Variants in TAF1D observed in about 807,000 individuals in gnomAD.
TAF1D encodes TATA box-binding protein-associated factor RNA polymerase I subunit D.
TAF1D carries 23 observed loss-of-function variants against 26.2 expected under a neutral mutation model. The ratio of observed to expected loss-of-function variants is 0.88; its 90% CI spans 0.63 to 1.25. TAF1D has a LOEUF of 1.25. Among genes scored for constraint, TAF1D ranks in the 50% most tolerant of loss-of-function variants. The pLI is 0.00. For synonymous variants in TAF1D, 100 were observed against 105.6 expected (o/e 0.95, Z 0.33); for missense variants, 299 against 322.0 (o/e 0.93, Z 0.55).
At chr11:93,738,556 T>C (rs1304737768) in intron 2 of TAF1D, 57 bp from the exon 3 acceptor site, 2 of 1,467,860 alleles carry the variant, frequency 1.4e-6, no homozygotes, top group African/African-American at 2.8e-5. Context: ...TTATTACCAT[T>C]AATACCCAGT....
exon 12 of TAF1D, chr11:93,730,246 C>G: frequency 6.4e-7 from 1 of 1,550,916 alleles, no homozygotes; most frequent in Non-Finnish European, 8.7e-7. Context: ...ACTAGAGAAA[C>G]TTCGAGCCAA....
At position 93,738,320 on chromosome 11, in the gene TAF1D, C is replaced by T. The variant is rs1467833673; in HGVS notation, c.248G>A (p.Arg83Lys). 1 of 1,610,208 alleles carries T rather than the reference C, an allele frequency of 6.2e-7. No homozygotes were observed. The highest frequency in any genetic ancestry group is 1.3e-5 in the African/African-American group (1 of 74,448). ...IPLTIKAIFERFKNRKKRYKK... is the reference protein window; with the variant it reads ...IPLTIKAIFEKFKNRKKRYKK... ...ATATCTCTTTTTCCTGTTCTTGAAT[C>T]TTTCAAAAATAGCTTTTATAGTCAA... is the stretch of plus-strand genomic sequence containing the variant. Residue 83 changes from arginine (R) to lysine (K), a missense_variant, in exon 3 of 6, where the codon AGA (arginine) becomes AAA (lysine). Coordinates refer to ENST00000448108, the MANE Select transcript of TAF1D (RefSeq NM_024116.4).
At chr11:93,730,475 TTAAAACTCTCA>T (rs1938314435) in exon 12 of TAF1D, 1 of 747,694 alleles carries the variant, frequency 1.3e-6, no homozygotes, top group Non-Finnish European at 2.5e-6. Flanking sequence ...TGATTAACCT[TTAAAACTCTCA>T]CATGGCAACA....
chr11:93,733,586 A>G (rs754726299), downstream of TAF1D: 26 of 518,462 alleles, frequency 5.0e-5, no homozygotes, highest in Non-Finnish European at 8.1e-5. Flanking sequence ...CCCCATCGGG[A>G]TAGACCTCAA....
Position 93,738,361 on chromosome 11 carries a change from AGATGAGTCACTT to A in TAF1D, c.195_206del (p.Ser66_Ser69del). ...TTATAGTCAATGGTATTGGTTCAAA[AGATGAGTCACTT>A]GATGAATCACTTGCGTGAACACTTT... On this transcript the variant is annotated inframe_deletion, in exon 3 of 6. Transcript: ENST00000448108. The A allele has an allele frequency of 6.2e-7, 1 of 1,613,948 alleles. No individual in the cohort carries two copies. The highest frequency in any genetic ancestry group is 8.5e-7 in the Non-Finnish European group (1 of 1,179,970).
intron 1 of TAF1D, 105 bp downstream of exon 1, chr11:93,741,217 G>C (rs867009245): frequency 7.1e-6 from 3 of 423,580 alleles, no homozygotes; most frequent in Non-Finnish European, 1.4e-5. Context: ...ACCGACTTCG[G>C]AGTCTCGATC....
At chr11:93,739,730 A>T (rs1941418796) in intron 1 of TAF1D, among the ~76,000 whole-genome samples, 1 of 152,204 alleles carries the variant, frequency 6.6e-6, no homozygotes, top group South Asian at 2.1e-4. Context: ...TGTGCCCTAT[A>T]TAAACCAGGA....
Position 93,736,200 on chromosome 11 carries a change from TG to T in TAF1D, c.797del (p.Thr266LysfsTer11). ...CTCTCTGTCCAGTATTTTTGGCTTTTGTAGCTCTCTTTTTAGACAAAGCAGC... is the reference window on the plus strand; with the variant it reads ...CTCTCTGTCCAGTATTTTTGGCTTTTTAGCTCTCTTTTTAGACAAAGCAGC... The part of the protein sequence containing the change: ...EEAALSKKRA[T>X]KAKNTGQRGL... On this transcript the variant is annotated frameshift_variant, in exon 6 of 6. Coordinates refer to ENST00000448108, the MANE Select transcript of TAF1D (RefSeq NM_024116.4). LOFTEE classifies it low-confidence loss of function (END_TRUNC). 6.2e-7 allele frequency: 1 copy of T among 1,613,726 alleles called. No homozygotes were observed. Among genetic ancestry groups the T allele is most frequent in the Non-Finnish European group, 8.5e-7 (1 of 1,179,828 alleles).
downstream of TAF1D, chr11:93,735,457 C>T (rs925329834): frequency 2.4e-5 from 13 of 531,784 alleles, no homozygotes; most frequent in South Asian, 5.9e-5. Flanking sequence ...CCAAGGCAGG[C>T]GGATCGCCTG....
intron 3 of TAF1D, 130 bp from the exon 4 acceptor site, chr11:93,737,369 T>A: frequency 1.9e-6 from 1 of 531,222 alleles, no homozygotes; most frequent in Admixed American, 3.8e-5. Context: ...ACTCCCCACT[T>A]GTGGACTTAT....
downstream of TAF1D, chr11:93,735,404 C>G: frequency 1.1e-6 from 1 of 906,038 alleles, no homozygotes; most frequent in Non-Finnish European, 1.4e-6. Context: ...AGTATTAGGC[C>G]AGGTGCCATG....
downstream of TAF1D, chr11:93,734,919 G>GTACCCAGCTAA (rs1940372601): frequency 1.2e-6 from 1 of 814,442 alleles, no homozygotes; most frequent in South Asian, 1.8e-5. Flanking sequence ...ACATGCCCCA[G>GTACCCAGCTAA]TACCCAGCTA....
At position 93,735,970 on chromosome 11, in the gene TAF1D, C is replaced by G. The variant is rs1196576681; in HGVS notation, c.*191G>C. ...CTCTGGTGTTTTAATGGTTTTTTTTCTAATTATTACTACTTCACAAGTTTC... is the reference window on the plus strand; with the variant it reads ...CTCTGGTGTTTTAATGGTTTTTTTTGTAATTATTACTACTTCACAAGTTTC... On this transcript the variant is annotated 3_prime_UTR_variant, in exon 6 of 6. Coordinates refer to ENST00000448108, the MANE Select transcript of TAF1D (RefSeq NM_024116.4). 27 of 1,339,996 alleles carry G rather than the reference C, an allele frequency of 2.0e-5. No individual in the cohort carries two copies. Among genetic ancestry groups the G allele is most frequent in the Non-Finnish European group, 2.6e-5 (27 of 1,050,670 alleles). The allele number at this position is 1,339,996 out of a possible 1,614,324, so 83.0% of individuals were successfully genotyped here.
downstream of TAF1D, chr11:93,735,558 C>A: frequency 1.9e-6 from 1 of 521,736 alleles, no homozygotes; most frequent in Non-Finnish European, 2.5e-6. Flanking sequence ...GTAATCCCAG[C>A]TACTAAGGAG....
intron 3 of TAF1D, 38 bp from the exon 4 acceptor site, chr11:93,737,277 ATTTTT>A: frequency 6.8e-7 from 1 of 1,473,008 alleles, no homozygotes; most frequent in Non-Finnish European, 9.2e-7. Flanking sequence ...TCGAGATTTT[ATTTTT>A]AAGACCCAGC....
At chr11:93,731,656 A>G (rs1211386559), downstream of TAF1D, 2 of 465,946 alleles carry the variant, frequency 4.3e-6, no homozygotes, top group Non-Finnish European at 8.5e-6. Context: ...TTGCAATAGC[A>G]TTGCTAGATA....
At chr11:93,730,375 C>CGAAA (rs1938289358) in exon 12 of TAF1D, 1 of 909,988 alleles carries the variant, frequency 1.1e-6, no homozygotes. Flanking sequence ...GTTGTGATTT[C>CGAAA]TTCCACTGTC....
chr11:93,730,400 T>C (rs1448189979), exon 12 of TAF1D: 1 of 825,312 alleles, frequency 1.2e-6, no homozygotes, highest in Non-Finnish European at 2.1e-6. Context: ...AAGGTCACTT[T>C]AGATCCTCTA....
rs1293774215 is a variant in TAF1D at position 93,741,417 on chromosome 11, T to G, written c.-123A>C. 2.2e-6 allele frequency: 1 copy of G among 451,542 alleles called. No homozygotes were observed. The highest frequency in any genetic ancestry group is 2.0e-5 in the African/African-American group (1 of 48,944). The allele number at this position is 451,542 out of a possible 1,614,324, so 28.0% of individuals were successfully genotyped here. A position where few individuals can be genotyped will look rare whatever the true frequency, so the allele number is the denominator to read the frequency against. On this transcript the variant is annotated 5_prime_UTR_variant, in exon 1 of 6. Coordinates refer to ENST00000448108, the MANE Select transcript of TAF1D (RefSeq NM_024116.4). ...CGACTGGCCTGGTGTCCTAGAGCTCTGTACACACCACCCTCCCGACCTCAG... is the reference window on the plus strand; with the variant it reads ...CGACTGGCCTGGTGTCCTAGAGCTCGGTACACACCACCCTCCCGACCTCAG...
Sources: gnomAD v4.1 joint callset for allele counts (sites outside exome capture counted in the v4.1 genomes callset) on GRCh38, gnomAD v4.1.1 for gene constraint, MANE v1.5 for transcripts, NCBI Gene and HGNC (gene_info 2026-07-23, HGNC 2026-07-21) for gene names.